The following ANKFN1 variants were observed in gnomAD, a reference collection of about 807,000 sequenced individuals.
ANKFN1 encodes the protein ankyrin repeat and fibronectin type-III domain-containing protein 1.
A neutral mutation model predicts 108.7 loss-of-function variants in ANKFN1; 74 were observed. The ratio of observed to expected loss-of-function variants is 0.68; its 90% CI spans 0.56 to 0.83. ANKFN1 has a LOEUF of 0.83. Among genes scored for constraint, ANKFN1 ranks in the 40% least tolerant of loss-of-function variants. The probability of loss-of-function intolerance (pLI) is 0.00; values close to 1 mark genes in which losing one functional copy is unlikely to be tolerated. For missense variants in ANKFN1, 1,505 were observed against 1,382.3 expected, an observed-to-expected ratio of 1.09 and a Z score of -1.41; for synonymous variants, 547 against 516.2, an observed-to-expected ratio of 1.06 and a Z score of -0.81.
At chr17:56,142,369 G>A (rs1329808707) in intron 4 of ANKFN1, among the ~76,000 whole-genome samples, 1 of 152,140 alleles carries the variant, frequency 6.6e-6, no homozygotes. Flanking sequence ...CCACACTTAT[G>A]TCAAGAGTAG....
chr17:56,388,333 T>A (rs1219028039), intron 8 of ANKFN1, among the ~76,000 whole-genome samples: 2 of 152,014 alleles, frequency 1.3e-5, no homozygotes, highest in Admixed American at 1.3e-4. Flanking sequence ...GGTTTCACCA[T>A]GTTGGCCAGG....
chr17:56,501,488 AG>A (rs1368656733), intron 20 of ANKFN1, among the ~76,000 whole-genome samples: 1 of 152,072 alleles, frequency 6.6e-6, no homozygotes, highest in South Asian at 2.1e-4. Flanking sequence ...CCAAAAAAAA[AG>A]GTAAGAGAGA....
Position 56,283,306 on chromosome 17 carries a change from A to C in ANKFN1, c.54-42915A>C, listed in dbSNP as rs74680009. On this transcript the variant is annotated intron_variant, in intron 3 of 20. Coordinates refer to ENST00000682825, the MANE Select transcript of ANKFN1 (RefSeq NM_001370326.1). ...CGAGGGAATGTAAACTACTACAACC[A>C]CTGTGGAAAACAGTGTAGAGATTCT... 2.6e-5 allele frequency among the ~76,000 whole-genome samples: 4 copies of C among 152,088 alleles called. No individual in the cohort carries two copies. The East Asian group carries it at 7.7e-4, about 29-fold the overall frequency.
chr17:56,180,867 T>G (rs575816011), intron 1 of ANKFN1, among the ~76,000 whole-genome samples: 1 of 152,348 alleles, frequency 6.6e-6, no homozygotes, highest in African/African-American at 2.4e-5. Context: ...ATTGAAAGTT[T>G]CATGACACAG....
At chr17:56,210,926 T>C (rs1310498998) in intron 1 of ANKFN1, among the ~76,000 whole-genome samples, 3 of 152,152 alleles carry the variant, frequency 2.0e-5, no homozygotes, top group Non-Finnish European at 2.9e-5. Context: ...ATGGTGATAA[T>C]GGGGATTACA....
Position 56,337,290 on chromosome 17 carries a change from C to T in ANKFN1, c.188+10935C>T, listed in dbSNP as rs546596156. Among the ~76,000 whole-genome samples, 20 of 152,184 alleles carry T rather than the reference C, an allele frequency of 1.3e-4. No individual in the cohort carries two copies. In the East Asian group the frequency reaches 2.5e-3, roughly 19 times the overall value. ...GGATATCCTTGTTAACCTTCTGTCT[C>T]GTCGATCTGTCTAATATTGACAATG... On this transcript the variant is annotated intron_variant, in intron 4 of 20. Coordinates refer to ENST00000682825, the MANE Select transcript of ANKFN1 (RefSeq NM_001370326.1).
chr17:56,108,915 C>A (rs1489017732), intron 4 of ANKFN1, among the ~76,000 whole-genome samples: 4 of 152,206 alleles, frequency 2.6e-5, no homozygotes, highest in African/African-American at 7.2e-5. Flanking sequence ...AAGCCACTTT[C>A]TTCCAAGTGG....
upstream of ANKFN1, among the ~76,000 whole-genome samples, chr17:56,149,024 C>A (rs1381588392): frequency 6.6e-6 from 1 of 152,138 alleles, no homozygotes; most frequent in Non-Finnish European, 1.5e-5. Flanking sequence ...ACACGGGGAG[C>A]AAATGGCAGA....
intron 3 of ANKFN1, among the ~76,000 whole-genome samples, chr17:56,292,197 A>G (rs2044381968): frequency 6.6e-6 from 1 of 152,170 alleles, no homozygotes; most frequent in African/African-American, 2.4e-5. Flanking sequence ...GCTGAGTCAG[A>G]TTTTTGCTAG....
chr17:56,189,179 T>TTTTTTTTTTTTTTG (rs1244013476), intron 1 of ANKFN1, among the ~76,000 whole-genome samples: 1 of 111,376 alleles, frequency 9.0e-6, no homozygotes, highest in African/African-American at 4.9e-5. Context: ...ACTTTTTTTT[T>TTTTTTTTTTTTTTG]TTTTTTTTTG....
intron 8 of ANKFN1, among the ~76,000 whole-genome samples, chr17:56,404,295 C>A (rs1324332786): frequency 1.3e-5 from 2 of 152,134 alleles, no homozygotes; most frequent in Non-Finnish European, 2.9e-5. Flanking sequence ...CTCAGGAACA[C>A]CGATTATTCT....
chr17:56,290,461 T>C (rs980314732), intron 3 of ANKFN1, among the ~76,000 whole-genome samples: 1 of 152,212 alleles, frequency 6.6e-6, no homozygotes, highest in Non-Finnish European at 1.5e-5. Context: ...GACCTACATG[T>C]AACCTATCTC....
intron 15 of ANKFN1, among the ~76,000 whole-genome samples, chr17:56,470,327 T>G (rs1405764284): frequency 1.3e-5 from 2 of 152,186 alleles, no homozygotes; most frequent in African/African-American, 4.8e-5. Flanking sequence ...CTGGGTCAAA[T>G]AGTATTTCTG....
At chr17:56,255,962 C>G (rs1205434706) in intron 3 of ANKFN1, among the ~76,000 whole-genome samples, 4 of 152,012 alleles carry the variant, frequency 2.6e-5, no homozygotes, top group Non-Finnish European at 4.4e-5. Context: ...TTGCTTGAGA[C>G]CGGGAGTTCC....
intron 20 of ANKFN1, among the ~76,000 whole-genome samples, chr17:56,504,598 T>C (rs1181351677): frequency 2.0e-5 from 3 of 152,198 alleles, no homozygotes; most frequent in Admixed American, 6.5e-5. Flanking sequence ...TTATTCTCTA[T>C]TTAGGGTGAA....
chr17:56,068,441 G>A (rs1905085657), intron 4 of ANKFN1, among the ~76,000 whole-genome samples: 1 of 152,150 alleles, frequency 6.6e-6, no homozygotes, highest in Non-Finnish European at 1.5e-5. Context: ...GCTGCACCTA[G>A]TGTGGCAGAA....
At chr17:56,458,660 G>A (rs2145244465) in intron 14 of ANKFN1, among the ~76,000 whole-genome samples, 1 of 152,048 alleles carries the variant, frequency 6.6e-6, no homozygotes, top group Middle Eastern at 3.4e-3. Flanking sequence ...CTGTTTTCTG[G>A]TATTAAGTGA....
intron 20 of ANKFN1, among the ~76,000 whole-genome samples, chr17:56,502,959 A>G (rs2051421173): frequency 2.0e-5 from 3 of 152,254 alleles, no homozygotes; most frequent in Non-Finnish European, 4.4e-5. Flanking sequence ...AACACAAAGT[A>G]GAACTCCTGT....
chr17:56,171,280 G>A (rs574011443), intron 1 of ANKFN1, among the ~76,000 whole-genome samples: 46 of 152,164 alleles, frequency 3.0e-4, no homozygotes, highest in African/African-American at 1.0e-3. Flanking sequence ...TGGGGAGACC[G>A]GAGCCAGTGG....
Sources: allele counts gnomAD v4.1 joint callset (sites outside exome capture counted in the v4.1 genomes callset), GRCh38; gene constraint gnomAD v4.1.1; transcripts MANE v1.5; gene names NCBI Gene and HGNC (gene_info 2026-07-23, HGNC 2026-07-21).